TMEM245: variants seen among roughly 807,000 people sequenced by gnomAD.
The protein encoded by TMEM245 is transmembrane protein 245.
TMEM245 carries 69 observed loss-of-function variants against 101.2 expected under a neutral mutation model. That is an observed-to-expected ratio of 0.68 (90% confidence interval 0.56 to 0.83). The LOEUF is 0.83. Among genes scored for constraint, TMEM245 ranks in the 40% least tolerant of loss-of-function variants. The probability of loss-of-function intolerance (pLI) is 0.00; values close to 1 mark genes in which losing one functional copy is unlikely to be tolerated. For missense variants in TMEM245, 1,075 were observed against 1,092.8 expected (o/e 0.98, Z 0.23); for synonymous variants, 537 against 449.8 (o/e 1.19, Z -2.45).
At chr9:109,041,029 G>A (rs139022988) in intron 14 of TMEM245, among the ~76,000 whole-genome samples, 7 of 152,144 alleles carry the variant, frequency 4.6e-5, no homozygotes, top group African/African-American at 1.2e-4. Flanking sequence ...TCTCAATTCC[G>A]AAAAAACTAA....
chr9:109,104,380 C>T (rs527674713), intron 3 of TMEM245, among the ~76,000 whole-genome samples: 17 of 151,882 alleles, frequency 1.1e-4, no homozygotes, highest in African/African-American at 3.4e-4. Context: ...TAAAGAGTAA[C>T]GAAATAAATG....
At chr9:109,034,027 T>G (rs1416426381) in intron 16 of TMEM245, among the ~76,000 whole-genome samples, 4 of 152,222 alleles carry the variant, frequency 2.6e-5, no homozygotes, top group Non-Finnish European at 5.9e-5. Context: ...GAGGAAAATA[T>G]CTGTCACAAA....
chr9:109,073,447 CAGAT>C lies in TMEM245; in HGVS notation c.1450-13_1450-10del, dbSNP rs771440969. On this transcript the variant is annotated splice_polypyrimidine_tract_variant and intron_variant, in intron 8 of 17. Coordinates refer to ENST00000374586, the MANE Select transcript of TMEM245 (RefSeq NM_032012.4). ...ACACTCTCTTGATGTACCTGTATTACAGATAAAGAAAGAAAAGAATCTCAGTAAA... is the reference window on the plus strand; with the variant it reads ...ACACTCTCTTGATGTACCTGTATTACAAAGAAAGAAAAGAATCTCAGTAAA... 22 of 1,581,858 alleles carry C rather than the reference CAGAT, an allele frequency of 1.4e-5. No individual in the cohort carries two copies. Among genetic ancestry groups the C allele is most frequent in the Non-Finnish European group, 1.9e-5 (22 of 1,157,456 alleles).
chr9:109,042,839 ATTT>A (rs754295748), intron 14 of TMEM245, among the ~76,000 whole-genome samples: 123 of 115,506 alleles, frequency 1.1e-3, no homozygotes, highest in African/African-American at 4.0e-3. Context: ...ATAGCTGACA[ATTT>A]TTTTTTTTTT....
chr9:109,084,109 A>T (rs1174843809), intron 7 of TMEM245, among the ~76,000 whole-genome samples: 1 of 151,230 alleles, frequency 6.6e-6, no homozygotes, highest in African/African-American at 2.4e-5. Flanking sequence ...GAAAAGAAAT[A>T]AAACAAGTAA....
At chr9:109,098,486 T>C (rs1456522651) in intron 3 of TMEM245, among the ~76,000 whole-genome samples, 2 of 152,034 alleles carry the variant, frequency 1.3e-5, no homozygotes, top group Non-Finnish European at 2.9e-5. Context: ...TGTATTTTAA[T>C]GACTTCTGTC....
intron 3 of TMEM245, among the ~76,000 whole-genome samples, chr9:109,103,532 T>C (rs1830331585): frequency 6.6e-6 from 1 of 152,102 alleles, no homozygotes; most frequent in Admixed American, 6.5e-5. Flanking sequence ...TTATACACAA[T>C]GGAGTACTAT....
At chr9:109,035,156 CAAAAAAAAA>C (rs778574292) in intron 16 of TMEM245, among the ~76,000 whole-genome samples, 2 of 51,324 alleles carry the variant, frequency 3.9e-5, no homozygotes, top group East Asian at 1.7e-3. Flanking sequence ...GACTCTGTCT[CAAAAAAAAA>C]AAAAAAAAAA....
intron 1 of TMEM245, among the ~76,000 whole-genome samples, chr9:109,114,497 G>C (rs1484644383): frequency 6.6e-6 from 1 of 151,696 alleles, no homozygotes; most frequent in Admixed American, 6.6e-5. Flanking sequence ...TCCCAGAGGA[G>C]GGCCCTGGTC....
chr9:109,076,661 T>C (rs1379806142), intron 8 of TMEM245, among the ~76,000 whole-genome samples: 1 of 152,210 alleles, frequency 6.6e-6, no homozygotes, highest in East Asian at 1.9e-4. Flanking sequence ...AAATTTCTGT[T>C]ACTGATTTTT....
At chr9:109,083,257 A>G (rs1029851110) in intron 7 of TMEM245, among the ~76,000 whole-genome samples, 19 of 152,312 alleles carry the variant, frequency 1.2e-4, no homozygotes, top group South Asian at 1.0e-3. Flanking sequence ...ACAAAGAAAC[A>G]GCAACTCGGA....
chr9:109,048,322 T>C (rs1397593306), intron 14 of TMEM245, among the ~76,000 whole-genome samples: 3 of 152,110 alleles, frequency 2.0e-5, no homozygotes, highest in African/African-American at 7.2e-5. Context: ...GGAGCATGCA[T>C]CCTGTTTGAA....
At chr9:109,098,362 T>C (rs2132604477) in intron 3 of TMEM245, among the ~76,000 whole-genome samples, 1 of 152,290 alleles carries the variant, frequency 6.6e-6, no homozygotes, top group East Asian at 1.9e-4. Flanking sequence ...AGCACATTTT[T>C]CGAGCACCTC....
At chr9:109,081,337 T>C (rs982195386) in intron 7 of TMEM245, among the ~76,000 whole-genome samples, 1 of 152,182 alleles carries the variant, frequency 6.6e-6, no homozygotes, top group African/African-American at 2.4e-5. Context: ...CACACGACTT[T>C]AGCAAAAGTA....
In TMEM245 at chr9:109,064,453, CACAAA is replaced by C; in HGVS notation, c.1623+19_1623+23del. ...AGTAAAGACCCTGAAAAGAGAAAGC[CACAAA>C]GAAAGTTTCTTCCCTTACCTTGTGA... On this transcript the variant is annotated intron_variant, in intron 10 of 17. Coordinates refer to ENST00000374586, the MANE Select transcript of TMEM245 (RefSeq NM_032012.4). 1 of 1,594,888 alleles carries C rather than the reference CACAAA, an allele frequency of 6.3e-7. No homozygotes were observed. The highest frequency in any genetic ancestry group is 8.5e-7 in the Non-Finnish European group (1 of 1,170,868).
intron 14 of TMEM245, among the ~76,000 whole-genome samples, chr9:109,044,099 A>T (rs971338453): frequency 2.0e-5 from 3 of 152,220 alleles, no homozygotes; most frequent in Non-Finnish European, 4.4e-5. Flanking sequence ...CTTCCTAACC[A>T]GCTCTTGATC....
chr9:109,096,028 AG>A (rs1298143637), intron 3 of TMEM245, among the ~76,000 whole-genome samples: 9 of 152,224 alleles, frequency 5.9e-5, no homozygotes, highest in Non-Finnish European at 1.5e-5. Flanking sequence ...GACGTAGAAG[AG>A]TCAAAGCGGA....
In TMEM245 at chr9:109,080,296, T is replaced by C. The variant is rs555956584; in HGVS notation, c.1449+543A>G. Among the ~76,000 whole-genome samples, 20 of 151,946 alleles carry C rather than the reference T, an allele frequency of 1.3e-4. 1 individual carries two copies. In the South Asian group the frequency reaches 2.7e-3, roughly 21 times the overall value. ...TCAGACTTGATAAGCCTAAAAAAAATAGTAAGAGATATCACTATAAAGATA... is the reference window on the plus strand; with the variant it reads ...TCAGACTTGATAAGCCTAAAAAAAACAGTAAGAGATATCACTATAAAGATA... On this transcript the variant is annotated intron_variant, in intron 8 of 17. Coordinates refer to ENST00000374586, the MANE Select transcript of TMEM245 (RefSeq NM_032012.4).
intron 9 of TMEM245, among the ~76,000 whole-genome samples, chr9:109,067,056 C>CAA (rs35037428): frequency 1.3e-3 from 113 of 85,750 alleles, no homozygotes; most frequent in South Asian, 3.5e-3. Context: ...GACTCCATCT[C>CAA]AAAAAAAAAA....
Sources: allele counts gnomAD v4.1 joint callset (sites outside exome capture counted in the v4.1 genomes callset), GRCh38; gene constraint gnomAD v4.1.1; transcripts MANE v1.5; gene names NCBI Gene and HGNC (gene_info 2026-07-23, HGNC 2026-07-21).